Variants in SEMA5A observed in about 807,000 individuals in gnomAD.
SEMA5A encodes semaphorin 5A, also known as semaphorin-5A.
In SEMA5A, 55 loss-of-function variants were observed where a neutral mutation model predicts 135.5. The ratio of observed to expected loss-of-function variants is 0.41; its 90% CI spans 0.33 to 0.51. The LOEUF (loss-of-function observed/expected upper bound fraction) is 0.51. SEMA5A is among the 20% of genes least tolerant of loss of function. The pLI, the probability that SEMA5A is intolerant of heterozygous loss-of-function variation, is 0.37. For missense variants in SEMA5A, 1,290 were observed against 1,419.9 expected, an observed-to-expected ratio of 0.91 and a Z score of 1.47; for synonymous variants, 580 against 546.5, an observed-to-expected ratio of 1.06 and a Z score of -0.85.
chr5:9,457,288 T>C (rs1013346844), intron 1 of SEMA5A, among the ~76,000 whole-genome samples: 2 of 152,238 alleles, frequency 1.3e-5, no homozygotes, highest in African/African-American at 2.4e-5. Context: ...AATCGCACCA[T>C]GATCTAAGTT....
At chr5:9,532,393 G>A (rs1184528684) in intron 1 of SEMA5A, among the ~76,000 whole-genome samples, 3 of 149,748 alleles carry the variant, frequency 2.0e-5, no homozygotes, top group Non-Finnish European at 1.5e-5. Context: ...AGCCTCCCAA[G>A]TAGCTGGGAT....
At chr5:9,386,500 C>T (rs1755897172) in intron 2 of SEMA5A, among the ~76,000 whole-genome samples, 1 of 152,172 alleles carries the variant, frequency 6.6e-6, no homozygotes, top group Non-Finnish European at 1.5e-5. Flanking sequence ...CAGAGGCAGC[C>T]TTGCACACTC....
At chr5:9,082,347 T>C (rs1738433253) in intron 16 of SEMA5A, among the ~76,000 whole-genome samples, 1 of 152,166 alleles carries the variant, frequency 6.6e-6, no homozygotes, top group Non-Finnish European at 1.5e-5. Context: ...AATATCCACC[T>C]CCTTTAACAC....
intron 11 of SEMA5A, among the ~76,000 whole-genome samples, chr5:9,161,732 C>G (rs1030975334): frequency 2.0e-5 from 3 of 152,212 alleles, no homozygotes; most frequent in Non-Finnish European, 4.4e-5. Context: ...AAGTCCAAAC[C>G]CACAACATCA....
At chr5:9,124,352 G>A (rs1426790402) in intron 13 of SEMA5A, among the ~76,000 whole-genome samples, 4 of 152,200 alleles carry the variant, frequency 2.6e-5, no homozygotes, top group African/African-American at 9.6e-5. Flanking sequence ...CTGCTGGAAG[G>A]AGAGACTCAT....
At chr5:9,088,533 A>C (rs921204523) in intron 16 of SEMA5A, among the ~76,000 whole-genome samples, 1 of 150,014 alleles carries the variant, frequency 6.7e-6, no homozygotes, top group African/African-American at 2.4e-5. Flanking sequence ...AATCATATTC[A>C]GATAGTACAT....
Position 9,136,627 on chromosome 5 carries a change from AAC to A in SEMA5A, c.1482-8_1482-7del. The A allele has an allele frequency of 6.2e-7, 1 of 1,608,576 alleles. No homozygotes were observed. Among genetic ancestry groups the A allele is most frequent in the Non-Finnish European group, 8.5e-7 (1 of 1,175,074 alleles). On this transcript the variant is annotated splice_region_variant and splice_polypyrimidine_tract_variant and intron_variant, in intron 12 of 22. Coordinates refer to ENST00000382496, the MANE Select transcript of SEMA5A (RefSeq NM_003966.3). ...CCTGGGCCCCAATGCAGGTGCTGGA[AAC>A]ACACACCAAATGGTCAACAGAAAGG...
intron 2 of SEMA5A, among the ~76,000 whole-genome samples, chr5:9,409,329 C>A (rs1042794696): frequency 6.6e-6 from 1 of 152,216 alleles, no homozygotes; most frequent in South Asian, 2.1e-4. Flanking sequence ...ATTTGGGATT[C>A]AGGCTTTACC....
At chr5:9,142,506 C>G (rs1219382294) in intron 12 of SEMA5A, among the ~76,000 whole-genome samples, 1 of 152,156 alleles carries the variant, frequency 6.6e-6, no homozygotes. Flanking sequence ...AAGAGCCACA[C>G]TTCAAACATC....
At chr5:9,191,181 A>T (rs563480444) in intron 10 of SEMA5A, among the ~76,000 whole-genome samples, 49 of 152,306 alleles carry the variant, frequency 3.2e-4, no homozygotes, top group African/African-American at 1.2e-3. Context: ...GTAGAAAGGA[A>T]TAAAGAAGGA....
At chr5:9,166,821 A>G (rs936434528) in intron 11 of SEMA5A, among the ~76,000 whole-genome samples, 3 of 152,242 alleles carry the variant, frequency 2.0e-5, no homozygotes, top group South Asian at 2.1e-4. Context: ...CAGCTTAAAT[A>G]TAACTCCAAT....
chr5:9,332,147 C>T (rs116317468), intron 4 of SEMA5A, among the ~76,000 whole-genome samples: 3,330 of 150,676 alleles, frequency 0.022, 103 homozygotes, highest in East Asian at 0.14. Flanking sequence ...GTCAGGTGTG[C>T]AAAGTGTGCA....
chr5:9,527,273 A>G (rs435329), intron 1 of SEMA5A, among the ~76,000 whole-genome samples: 51,554 of 151,656 alleles, frequency 0.34, 8,891 homozygotes, highest in African/African-American at 0.4. Flanking sequence ...CCCAAGGGAA[A>G]AAGCCAACCA....
intron 11 of SEMA5A, among the ~76,000 whole-genome samples, chr5:9,164,040 TAA>T (rs1743446854): frequency 7.2e-6 from 1 of 139,318 alleles, no homozygotes; most frequent in African/African-American, 2.8e-5. Flanking sequence ...TTATATAATA[TAA>T]TATATATTTA....
At chr5:9,149,123 C>T (rs868736249) in intron 12 of SEMA5A, among the ~76,000 whole-genome samples, 7 of 152,148 alleles carry the variant, frequency 4.6e-5, no homozygotes, top group East Asian at 1.9e-4. Flanking sequence ...GATCTAAAAG[C>T]GGATCACACT....
At chr5:9,379,715 G>T (rs1755510099) in intron 3 of SEMA5A, 108 bp downstream of exon 3, 1 of 1,308,504 alleles carries the variant, frequency 7.6e-7, no homozygotes, top group Non-Finnish European at 1.0e-6. Context: ...TCTGAAACAA[G>T]AGCCACTGGA....
At chr5:9,105,324 T>A (rs1430131341) in intron 16 of SEMA5A, among the ~76,000 whole-genome samples, 1 of 152,204 alleles carries the variant, frequency 6.6e-6, no homozygotes, top group African/African-American at 2.4e-5. Context: ...GCTGGGAAAA[T>A]CCTTTCATGA....
intron 1 of SEMA5A, among the ~76,000 whole-genome samples, chr5:9,544,788 C>T (rs1478789236): frequency 6.6e-6 from 1 of 152,194 alleles, no homozygotes; most frequent in African/African-American, 2.4e-5. Flanking sequence ...GGGATGTGAC[C>T]GCTCCAAGCC....
At chr5:9,318,248 G>T in intron 5 of SEMA5A, 124 bp downstream of exon 5, 1 of 839,238 alleles carries the variant, frequency 1.2e-6, no homozygotes, top group Non-Finnish European at 1.9e-6. Flanking sequence ...GGCCTGACCT[G>T]CTGAGGAAAC....
Sources: allele counts gnomAD v4.1 joint callset (sites outside exome capture counted in the v4.1 genomes callset), GRCh38; gene constraint gnomAD v4.1.1; transcripts MANE v1.5; gene names NCBI Gene and HGNC (gene_info 2026-07-23, HGNC 2026-07-21).